Variants in ARHGAP5 observed in about 807,000 individuals in gnomAD.
ARHGAP5 encodes rho GTPase-activating protein 5.
ARHGAP5 carries 23 observed loss-of-function variants against 116.6 expected under a neutral mutation model. The observed-to-expected ratio is 0.20, with a 90% CI of 0.14 to 0.28. The LOEUF (loss-of-function observed/expected upper bound fraction) is 0.28. ARHGAP5 is among the 10% of genes least tolerant of loss of function. The pLI, the probability that ARHGAP5 is intolerant of heterozygous loss-of-function variation, is 1.00. For synonymous variants in ARHGAP5, 574 were observed against 602.0 expected (o/e 0.95, Z 0.68); for missense variants, 1,405 against 1,774.8 (o/e 0.79, Z 3.74).
chr14:32,150,348 C>A (rs1177930828), intron 5 of ARHGAP5, among the ~76,000 whole-genome samples: 2 of 152,120 alleles, frequency 1.3e-5, no homozygotes, highest in Non-Finnish European at 2.9e-5. Context: ...TAAATAAATT[C>A]TTCAAATTGT....
At chr14:32,139,576 G>A (rs1049500791) in intron 3 of ARHGAP5, among the ~76,000 whole-genome samples, 2 of 151,950 alleles carry the variant, frequency 1.3e-5, no homozygotes, top group Non-Finnish European at 1.5e-5. Flanking sequence ...TCTGATTTTA[G>A]TAATTGGAGT....
intron 3 of ARHGAP5, among the ~76,000 whole-genome samples, chr14:32,132,696 T>C (rs908816105): frequency 3.0e-5 from 4 of 132,468 alleles, no homozygotes; most frequent in African/African-American, 9.8e-5. Flanking sequence ...CTAGGTTTTC[T>C]TCTAGGGTTT....
chr14:32,097,741 T>C (rs964707476), intron 2 of ARHGAP5, among the ~76,000 whole-genome samples: 1 of 152,168 alleles, frequency 6.6e-6, no homozygotes, highest in Non-Finnish European at 1.5e-5. Context: ...TAAAGTAGTA[T>C]TTATCTACTG....
chr14:32,082,070 G>C (rs1232455242), intron 1 of ARHGAP5, among the ~76,000 whole-genome samples: 1 of 152,066 alleles, frequency 6.6e-6, no homozygotes, highest in Non-Finnish European at 1.5e-5. Flanking sequence ...AGAATCTATC[G>C]CTGCTGTGGA....
At chr14:32,097,463 G>C (rs1269696502) in intron 2 of ARHGAP5, among the ~76,000 whole-genome samples, 2 of 152,100 alleles carry the variant, frequency 1.3e-5, no homozygotes. Context: ...ATTAGGAACA[G>C]GTAAGAACTT....
In ARHGAP5 at chr14:32,158,884, T is replaced by C. The variant is rs1882003274; in HGVS notation, c.*3936T>C. The stretch of plus-strand genomic sequence containing the variant: ...ATGTGATCCAAGTACCCTGGTCTTT[T>C]TGAAGCAGTTAAAATCTAATTAATT... On this transcript the variant is annotated 3_prime_UTR_variant, in exon 7 of 7. Coordinates refer to ENST00000345122, the MANE Select transcript of ARHGAP5 (RefSeq NM_001030055.2). The C allele has an allele frequency of 6.6e-6, 1 of 152,040 alleles. No individual in the cohort carries two copies. Among genetic ancestry groups the C allele is most frequent in the Admixed American group, 6.5e-5 (1 of 15,268 alleles). The allele number at this position is 152,040 out of a possible 1,614,324, so 9.4% of individuals were successfully genotyped here. A position where few individuals can be genotyped will look rare whatever the true frequency, so the allele number is the denominator to read the frequency against.
At chr14:32,111,839 ATTT>A (rs34512246) in intron 2 of ARHGAP5, among the ~76,000 whole-genome samples, 3 of 93,162 alleles carry the variant, frequency 3.2e-5, no homozygotes, top group Admixed American at 1.3e-4. Flanking sequence ...TTCTTCTTTG[ATTT>A]TTTTTTTTTT....
In ARHGAP5 at chr14:32,156,796, T is replaced by C. The variant is rs1235677100; in HGVS notation, c.*1848T>C. 2 of 152,380 alleles carry C rather than the reference T, an allele frequency of 1.3e-5. No individual in the cohort carries two copies. Among genetic ancestry groups the C allele is most frequent in the African/African-American group, 4.8e-5 (2 of 41,440 alleles). The allele number at this position is 152,380 out of a possible 1,614,324, so 9.4% of individuals were successfully genotyped here. On this transcript the variant is annotated 3_prime_UTR_variant, in exon 7 of 7. Coordinates refer to ENST00000345122, the MANE Select transcript of ARHGAP5 (RefSeq NM_001030055.2). ...AAACTGTTTCTAGGTTGCTAAAGAA[T>C]TTATTTTTCTACTATATATGGTATA...
chr14:32,149,898 G>C lies in ARHGAP5; in HGVS notation c.3944-4G>C. The C allele has an allele frequency of 6.8e-7, 1 of 1,470,192 alleles. No individual in the cohort carries two copies. The highest frequency in any genetic ancestry group is 9.1e-7 in the Non-Finnish European group (1 of 1,103,822). The allele number at this position is 1,470,192 out of a possible 1,614,324, so 91.1% of individuals were successfully genotyped here. On this transcript the variant is annotated splice_polypyrimidine_tract_variant and splice_region_variant and intron_variant, in intron 4 of 6. Coordinates refer to ENST00000345122, the MANE Select transcript of ARHGAP5 (RefSeq NM_001030055.2). The stretch of plus-strand genomic sequence containing the variant: ...AATTTAAAATGTTAATTTTTGTCTT[G>C]TAGATCATAATATCAATCTAGTGTC...
At chr14:32,124,199 G>T (rs933133153) in intron 3 of ARHGAP5, among the ~76,000 whole-genome samples, 1 of 152,102 alleles carries the variant, frequency 6.6e-6, no homozygotes, top group Admixed American at 6.6e-5. Context: ...CAGACAGCTT[G>T]CCTCATTTGC....
intron 2 of ARHGAP5, among the ~76,000 whole-genome samples, chr14:32,104,364 A>G (rs1878916167): frequency 6.6e-6 from 1 of 152,218 alleles, no homozygotes; most frequent in Admixed American, 6.5e-5. Flanking sequence ...TCCTGAGTCA[A>G]GGTTAAAATT....
chr14:32,104,477 A>G (rs1878921393), intron 2 of ARHGAP5, among the ~76,000 whole-genome samples: 1 of 152,142 alleles, frequency 6.6e-6, no homozygotes, highest in Non-Finnish European at 1.5e-5. Context: ...GGTGTGAGAG[A>G]GTCTTCACAA....
Position 32,081,862 on chromosome 14 carries a change from A to G in ARHGAP5, c.-169+4427A>G, listed in dbSNP as rs1489157561. 2.0e-5 allele frequency among the ~76,000 whole-genome samples: 3 copies of G among 152,176 alleles called. No individual in the cohort carries two copies. The East Asian group carries it at 5.8e-4, about 29-fold the overall frequency. On this transcript the variant is annotated intron_variant, in intron 1 of 6. Transcript: ENST00000345122. ...AGAGCCAAGGTAATATCTCTTTTAG[A>G]GAACTAGTAAAAAATTAACATTACT...
chr14:32,132,088 A>G (rs1191063941), intron 3 of ARHGAP5, among the ~76,000 whole-genome samples: 3 of 152,130 alleles, frequency 2.0e-5, no homozygotes, highest in African/African-American at 4.8e-5. Context: ...ATAATCCTTT[A>G]GGTATATACC....
rs555078601 is a variant in ARHGAP5, at chr14:32,091,995, A to G, written c.1326A>G (p.Gln442=). 1.2e-5 allele frequency: 19 copies of G among 1,613,732 alleles called. No individual in the cohort carries two copies. The highest frequency in any genetic ancestry group is 5.5e-5 in the South Asian group (5 of 91,074). The change falls in exon 2 of 7, where the codon CAA becomes CAG. Residue 442 remains glutamine (Q), a synonymous_variant. Coordinates refer to ENST00000345122, the MANE Select transcript of ARHGAP5 (RefSeq NM_001030055.2). ...EKFKKTLEKI[Q]FISPGQPWEE... ...TCAAAAAGACTTTGGAAAAAATTCAATTCATTTCACCAGGGCAGCCATGGG... is the reference window on the plus strand; with the variant it reads ...TCAAAAAGACTTTGGAAAAAATTCAGTTCATTTCACCAGGGCAGCCATGGG...
chr14:32,103,551 C>G (rs1450557388), intron 2 of ARHGAP5, among the ~76,000 whole-genome samples: 1 of 152,132 alleles, frequency 6.6e-6, no homozygotes, highest in Non-Finnish European at 1.5e-5. Context: ...AAGTATGTGT[C>G]AAGGAGGCAC....
chr14:32,150,329 T>TAAGA (rs1207265517), intron 5 of ARHGAP5, among the ~76,000 whole-genome samples: 4 of 152,222 alleles, frequency 2.6e-5, no homozygotes, highest in Non-Finnish European at 5.9e-5. Context: ...AAGGGCATTG[T>TAAGA]AAGAAAATTA....
chr14:32,085,144 A>T (rs1009209944), intron 1 of ARHGAP5, among the ~76,000 whole-genome samples: 1 of 152,178 alleles, frequency 6.6e-6, no homozygotes, highest in Non-Finnish European at 1.5e-5. Context: ...TTTACCAGAA[A>T]TAGCAACATT....
chr14:32,152,050 G>A (rs893243577), intron 5 of ARHGAP5, among the ~76,000 whole-genome samples: 5 of 152,136 alleles, frequency 3.3e-5, no homozygotes, highest in African/African-American at 7.2e-5. Flanking sequence ...AAGGGAAACC[G>A]GGCTCCACCT....
Sources: allele counts gnomAD v4.1 joint callset (sites outside exome capture counted in the v4.1 genomes callset), GRCh38; gene constraint gnomAD v4.1.1; transcripts MANE v1.5; gene names NCBI Gene and HGNC (gene_info 2026-07-23, HGNC 2026-07-21).